Variants in RAP1A observed in about 807,000 individuals in gnomAD.
The protein encoded by RAP1A is ras-related protein Rap-1A.
Under a neutral mutation model 26.4 loss-of-function variants are expected in RAP1A, and 6 were observed. The ratio of observed to expected loss-of-function variants is 0.23; its 90% CI spans 0.12 to 0.45. The LOEUF (loss-of-function observed/expected upper bound fraction) is 0.45. Among genes scored for constraint, RAP1A ranks in the 20% least tolerant of loss-of-function variants. RAP1A has a pLI of 0.99. For missense variants in RAP1A, 121 were observed against 217.2 expected (o/e 0.56, Z 2.78); for synonymous variants, 73 against 79.4 (o/e 0.92, Z 0.43).
intron 6 of RAP1A, among the ~76,000 whole-genome samples, chr1:111,706,019 A>G (rs981010602): frequency 1.3e-5 from 2 of 152,218 alleles, no homozygotes; most frequent in Non-Finnish European, 2.9e-5. Flanking sequence ...CCTACATGCT[A>G]TTAAACTTCC....
intron 1 of RAP1A, among the ~76,000 whole-genome samples, chr1:111,670,068 G>A (rs887392446): frequency 2.6e-5 from 4 of 152,110 alleles, no homozygotes; most frequent in South Asian, 4.1e-4. Context: ...ATAAAACTGG[G>A]AGTTTTTTTT....
chr1:111,694,142 C>T (rs772101874), intron 2 of RAP1A, among the ~76,000 whole-genome samples: 1 of 152,152 alleles, frequency 6.6e-6, no homozygotes, highest in Non-Finnish European at 1.5e-5. Flanking sequence ...CCTGCCTTGG[C>T]CTCCTAAAGT....
At chr1:111,586,197 A>AT (rs1378798755) in intron 1 of RAP1A, among the ~76,000 whole-genome samples, 1 of 152,232 alleles carries the variant, frequency 6.6e-6, no homozygotes, top group Non-Finnish European at 1.5e-5. Flanking sequence ...TCATAGTGTA[A>AT]TTTTTTTAAA....
intron 1 of RAP1A, among the ~76,000 whole-genome samples, chr1:111,591,617 A>G (rs897652866): frequency 6.6e-6 from 1 of 152,190 alleles, no homozygotes; most frequent in African/African-American, 2.4e-5. Flanking sequence ...AAAATATCTG[A>G]GCGCATGATG....
chr1:111,674,712 A>G (rs1003185340), intron 1 of RAP1A, among the ~76,000 whole-genome samples: 3 of 152,218 alleles, frequency 2.0e-5, no homozygotes, highest in African/African-American at 4.8e-5. Flanking sequence ...CTAGATACCT[A>G]GGAGTTATCA....
chr1:111,684,196 G>A (rs750697386), intron 1 of RAP1A, among the ~76,000 whole-genome samples: 21 of 152,110 alleles, frequency 1.4e-4, no homozygotes, highest in Non-Finnish European at 2.6e-4. Flanking sequence ...CACACCCACA[G>A]CCAGTATCAT....
rs56257032 is a variant in RAP1A at position 111,551,766 on chromosome 1, G to GTTT, written c.-28+9262_-28+9264dup. ...TTTTGGTTTTGTTTTGTTTTGTTTT[G>GTTT]TTTTTTTGAGATGGAGTCTTTACAG... On this transcript the variant is annotated intron_variant, in intron 1 of 7. Coordinates refer to the RAP1A transcript ENST00000356415. Among the ~76,000 whole-genome samples, 937 of 149,188 alleles carry GTTT rather than the reference G, an allele frequency of 6.3e-3. 5 individuals carry two copies. The highest frequency in any genetic ancestry group is 0.021 in the Middle Eastern group (6 of 286).
At chr1:111,558,057 G>A (rs750785649) in intron 1 of RAP1A, among the ~76,000 whole-genome samples, 4 of 151,986 alleles carry the variant, frequency 2.6e-5, no homozygotes, top group Admixed American at 6.6e-5. Flanking sequence ...ATAGGAATAA[G>A]CAAACAGAAA....
At chr1:111,642,512 C>T (rs1486051413) in intron 1 of RAP1A, among the ~76,000 whole-genome samples, 4 of 146,974 alleles carry the variant, frequency 2.7e-5, no homozygotes, top group South Asian at 2.1e-4. Context: ...TTTTTTGAGA[C>T]GGTGTCTCAC....
At chr1:111,701,929 C>T (rs769162366) in intron 4 of RAP1A, among the ~76,000 whole-genome samples, 1 of 152,166 alleles carries the variant, frequency 6.6e-6, no homozygotes, top group Non-Finnish European at 1.5e-5. Context: ...CAGGAAACTT[C>T]CAGTTTTTAC....
chr1:111,607,315 A>T (rs3952502), intron 1 of RAP1A, among the ~76,000 whole-genome samples: 9 of 151,874 alleles, frequency 5.9e-5, no homozygotes, highest in African/African-American at 1.9e-4. Context: ...ACAGCACATG[A>T]TTCAGAGAGC....
intron 1 of RAP1A, among the ~76,000 whole-genome samples, chr1:111,573,484 G>A (rs1159015171): frequency 2.6e-5 from 4 of 152,078 alleles, no homozygotes; most frequent in Admixed American, 6.6e-5. Flanking sequence ...ACAGGGATGC[G>A]CCACAATGCC....
At chr1:111,628,683 G>T (rs1322524304) in intron 1 of RAP1A, among the ~76,000 whole-genome samples, 1 of 152,146 alleles carries the variant, frequency 6.6e-6, no homozygotes, top group Admixed American at 6.6e-5. Flanking sequence ...AGGGTTTAAA[G>T]GAAAACAAAA....
At chr1:111,693,087 A>T (rs1182702992) in intron 2 of RAP1A, among the ~76,000 whole-genome samples, 1 of 152,216 alleles carries the variant, frequency 6.6e-6, no homozygotes, top group Admixed American at 6.5e-5. Flanking sequence ...ACCTTTAGAA[A>T]GTAGATAGGA....
At chr1:111,661,477 A>G (rs1557882249) in intron 1 of RAP1A, among the ~76,000 whole-genome samples, 1 of 152,208 alleles carries the variant, frequency 6.6e-6, no homozygotes, top group South Asian at 2.1e-4. Context: ...GTGGTCAGCA[A>G]TTCATAACTC....
At chr1:111,689,044 C>T (rs114347203) in intron 1 of RAP1A, among the ~76,000 whole-genome samples, 1,837 of 152,114 alleles carry the variant, frequency 0.012, 38 homozygotes, top group African/African-American at 0.042. Flanking sequence ...CCATATTATC[C>T]AGGCTGGTCT....
At chr1:111,612,123 G>A (rs2101080504) in intron 1 of RAP1A, among the ~76,000 whole-genome samples, 1 of 151,998 alleles carries the variant, frequency 6.6e-6, no homozygotes, top group South Asian at 2.1e-4. Context: ...TCTGATGCCA[G>A]TCTTCTCCCT....
chr1:111,671,084 T>C (rs935738937), intron 1 of RAP1A, among the ~76,000 whole-genome samples: 4 of 152,222 alleles, frequency 2.6e-5, no homozygotes, highest in African/African-American at 9.6e-5. Context: ...GAATATGTGT[T>C]CCCTTTTAAT....
At chr1:111,605,990 C>G (rs1373754770) in intron 1 of RAP1A, among the ~76,000 whole-genome samples, 1 of 152,164 alleles carries the variant, frequency 6.6e-6, no homozygotes, top group African/African-American at 2.4e-5. Context: ...ATGTCACTGT[C>G]GTCACCAGGG....
Sources: allele counts gnomAD v4.1 joint callset (sites outside exome capture counted in the v4.1 genomes callset), GRCh38; gene constraint gnomAD v4.1.1; transcripts MANE v1.5; gene names NCBI Gene and HGNC (gene_info 2026-07-23, HGNC 2026-07-21).